Variants in BMP6 observed in about 807,000 individuals in gnomAD.
BMP6 encodes the protein VG-1-R.
A neutral mutation model predicts 54.1 loss-of-function variants in BMP6; 17 were observed. The ratio of observed to expected loss-of-function variants is 0.31; its 90% confidence interval spans 0.22 to 0.47. BMP6 has a LOEUF of 0.47. BMP6 is among the 20% of genes least tolerant of loss of function. BMP6 has a pLI of 1.00. For synonymous variants in BMP6, 328 were observed against 291.2 expected, an observed-to-expected ratio of 1.13 and a Z score of -1.28; for missense variants, 720 against 690.4, an observed-to-expected ratio of 1.04 and a Z score of -0.48.
intron 1 of BMP6, among the ~76,000 whole-genome samples, chr6:7,785,860 C>T (rs1174589540): frequency 6.6e-6 from 1 of 152,118 alleles, no homozygotes; most frequent in East Asian, 1.9e-4. Context: ...AAAATAAATA[C>T]AGCCACGCTA....
chr6:7,769,087 C>A (rs879536548), intron 1 of BMP6, among the ~76,000 whole-genome samples: 1 of 152,090 alleles, frequency 6.6e-6, no homozygotes, highest in Non-Finnish European at 1.5e-5. Context: ...GAGTATGTGA[C>A]GTGTTAATAT....
intron 1 of BMP6, among the ~76,000 whole-genome samples, chr6:7,786,096 C>T (rs1016852680): frequency 3.9e-5 from 6 of 152,208 alleles, no homozygotes; most frequent in African/African-American, 7.2e-5. Flanking sequence ...AGCACGTACA[C>T]GCGTCTTTGG....
At chr6:7,868,000 C>G (rs529043220) in intron 4 of BMP6, among the ~76,000 whole-genome samples, 1 of 152,304 alleles carries the variant, frequency 6.6e-6, no homozygotes, top group South Asian at 2.1e-4. Flanking sequence ...CCAATCATTG[C>G]CAACCCTGGG....
intron 2 of BMP6, among the ~76,000 whole-genome samples, chr6:7,854,766 G>C (rs947830482): frequency 1.3e-5 from 2 of 152,120 alleles, no homozygotes; most frequent in Admixed American, 1.3e-4. Context: ...CTCCAGCCTG[G>C]GTGACAGAGC....
intron 5 of BMP6, among the ~76,000 whole-genome samples, chr6:7,879,572 T>G (rs1759676730): frequency 6.6e-6 from 1 of 152,230 alleles, no homozygotes; most frequent in African/African-American, 2.4e-5. Context: ...AGCACACGTT[T>G]GCCTCGTACC....
intron 1 of BMP6, among the ~76,000 whole-genome samples, chr6:7,791,526 C>T (rs1758107023): frequency 6.6e-6 from 1 of 152,098 alleles, no homozygotes. Flanking sequence ...TTCATGGCAA[C>T]CTCACCTCCT....
rs895809197 is a variant in BMP6, at chr6:7,862,587, G to C, written c.1204+89G>C. 3.7e-5 allele frequency: 56 copies of C among 1,517,562 alleles called. 1 individual carries two copies. The South Asian group carries it at 5.3e-4, about 14-fold the overall frequency. 94.0% of individuals were successfully genotyped at this position (1,517,562 alleles called of 1,614,324 possible). A position where few individuals can be genotyped will look rare whatever the true frequency, so the allele number is the denominator to read the frequency against. ...TGTCCACAGTCTCAGATGTCGGGCA[G>C]CTTCTGCACAGCAAATCCAAAGGCA... On this transcript the variant is annotated intron_variant, in intron 4 of 6. Transcript: ENST00000283147.
At chr6:7,824,114 T>C (rs532111302) in intron 1 of BMP6, among the ~76,000 whole-genome samples, 2 of 152,160 alleles carry the variant, frequency 1.3e-5, no homozygotes, top group African/African-American at 4.8e-5. Flanking sequence ...GGTGAGCAGA[T>C]TGGGTACTGA....
intron 1 of BMP6, among the ~76,000 whole-genome samples, chr6:7,774,679 A>C (rs548603990): frequency 6.6e-6 from 1 of 152,370 alleles, no homozygotes; most frequent in East Asian, 1.9e-4. Context: ...ACTGCACTCC[A>C]GCCTGGATGA....
intron 1 of BMP6, among the ~76,000 whole-genome samples, chr6:7,787,092 A>T (rs936760461): frequency 6.6e-6 from 1 of 152,188 alleles, no homozygotes; most frequent in Non-Finnish European, 1.5e-5. Flanking sequence ...TCTGATAAAG[A>T]TATTAGGAAG....
intron 1 of BMP6, among the ~76,000 whole-genome samples, chr6:7,807,954 T>C (rs1758373739): frequency 7.1e-6 from 1 of 140,124 alleles, no homozygotes; most frequent in Non-Finnish European, 1.5e-5. Context: ...GGAGTCTTGC[T>C]CTGTTGCCCA....
At chr6:7,779,321 A>C in intron 1 of BMP6, among the ~76,000 whole-genome samples, 1 of 150,220 alleles carries the variant, frequency 6.7e-6, no homozygotes, top group East Asian at 1.9e-4. Flanking sequence ...TTAATTTGTA[A>C]ACTTATTTAT....
chr6:7,850,974 T>C (rs1759133771), intron 2 of BMP6, among the ~76,000 whole-genome samples: 1 of 152,226 alleles, frequency 6.6e-6, no homozygotes, highest in Non-Finnish European at 1.5e-5. Context: ...TTCTGTTCCC[T>C]GGGTTAATTT....
intron 1 of BMP6, among the ~76,000 whole-genome samples, chr6:7,737,801 A>G (rs538228691): frequency 2.6e-5 from 4 of 152,264 alleles, no homozygotes; most frequent in Admixed American, 1.3e-4. Flanking sequence ...TACCACAGAA[A>G]TGACTCATTT....
intron 1 of BMP6, among the ~76,000 whole-genome samples, chr6:7,765,618 C>T (rs1022962699): frequency 1.2e-4 from 19 of 152,236 alleles, no homozygotes; most frequent in Admixed American, 1.0e-3. Context: ...ATTGGCTTGA[C>T]GCTCTTTTAG....
chr6:7,829,754 A>G (rs1471689420), intron 1 of BMP6, among the ~76,000 whole-genome samples: 3 of 152,260 alleles, frequency 2.0e-5, no homozygotes, highest in East Asian at 3.9e-4. Context: ...GGGCGTCTGC[A>G]GAGCATTTTG....
intron 2 of BMP6, among the ~76,000 whole-genome samples, chr6:7,848,761 T>G (rs1351198754): frequency 1.3e-5 from 2 of 152,246 alleles, no homozygotes; most frequent in African/African-American, 4.8e-5. Context: ...TTGCGCTTTA[T>G]TTATTTTTAG....
chr6:7,870,651 A>C (rs1198872481), intron 4 of BMP6, among the ~76,000 whole-genome samples: 1 of 151,998 alleles, frequency 6.6e-6, no homozygotes, highest in African/African-American at 2.4e-5. Flanking sequence ...ACAAAAAAAA[A>C]CGGGTCTCAC....
intron 1 of BMP6, among the ~76,000 whole-genome samples, chr6:7,763,832 CCTT>C (rs758832675): frequency 1.2e-4 from 19 of 152,316 alleles, no homozygotes; most frequent in Middle Eastern, 6.8e-3. Flanking sequence ...TCCATGGTGA[CCTT>C]CTCTCTGCCC....
Sources: allele counts gnomAD v4.1 joint callset (sites outside exome capture counted in the v4.1 genomes callset), GRCh38; gene constraint gnomAD v4.1.1; transcripts MANE v1.5; gene names NCBI Gene and HGNC (gene_info 2026-07-23, HGNC 2026-07-21).